The following NAALADL2 variants were observed in gnomAD, a reference collection of about 807,000 sequenced individuals.
The protein encoded by NAALADL2 is inactive N-acetylated-alpha-linked acidic dipeptidase-like protein 2.
Under a neutral mutation model 87.2 loss-of-function variants are expected in NAALADL2, and 76 were observed. That is an observed-to-expected ratio of 0.87 (90% CI 0.72 to 1.05). NAALADL2 has a LOEUF of 1.05. Among genes scored for constraint, NAALADL2 ranks in the 50% least tolerant of loss-of-function variants. The pLI is 0.00. For synonymous variants in NAALADL2, 354 were observed against 331.0 expected (o/e 1.07, Z -0.75); for missense variants, 1,089 against 945.8 (o/e 1.15, Z -1.99).
intron 5 of NAALADL2, among the ~76,000 whole-genome samples, chr3:175,443,179 T>C (rs1720101938): frequency 6.6e-6 from 1 of 152,170 alleles, no homozygotes. Context: ...CAAATTTCCA[T>C]TAAGCTGAAG....
At position 175,306,318 on chromosome 3, in the gene NAALADL2, A is replaced by G. The variant is rs540231412; in HGVS notation, c.940-17857A>G. 2.0e-5 allele frequency among the ~76,000 whole-genome samples: 3 copies of G among 152,292 alleles called. No homozygotes were observed. In the South Asian group the frequency reaches 6.2e-4, roughly 32 times the overall value. On this transcript the variant is annotated intron_variant, in intron 4 of 13. Transcript: ENST00000454872. ...AGTATTATTTTATATTATCTCATTTATCTTATTTATTTTACCTATATAAGG... is the reference window on the plus strand; with the variant it reads ...AGTATTATTTTATATTATCTCATTTGTCTTATTTATTTTACCTATATAAGG...
At chr3:174,805,261 A>G (rs1233270991) in intron 3 of NAALADL2, among the ~76,000 whole-genome samples, 1 of 152,154 alleles carries the variant, frequency 6.6e-6, no homozygotes, top group East Asian at 1.9e-4. Context: ...AAAGAATGAC[A>G]TGTATTTAGT....
In NAALADL2 at chr3:175,718,863, CAAACAAA is replaced by C. The variant is rs964620356; in HGVS notation, c.1897-18430_1897-18424del. 1.4e-3 allele frequency among the ~76,000 whole-genome samples: 215 copies of C among 151,946 alleles called. 1 individual carries two copies. The highest frequency in any genetic ancestry group is 4.7e-3 in the African/African-American group (195 of 41,458). ...CTCAAAAAGACAAAAAACAAACAAA[CAAACAAA>C]AAACAAAAAACACCACCACCACCAA... On this transcript the variant is annotated intron_variant, in intron 11 of 13. Transcript: ENST00000454872.
At chr3:175,468,854 G>A (rs1185728917) in intron 8 of NAALADL2, among the ~76,000 whole-genome samples, 1 of 152,008 alleles carries the variant, frequency 6.6e-6, no homozygotes, top group Admixed American at 6.6e-5. Context: ...GTGAGCGATA[G>A]TTTTTGTCAA....
At chr3:175,582,210 A>G (rs2149576908) in intron 10 of NAALADL2, among the ~76,000 whole-genome samples, 1 of 152,094 alleles carries the variant, frequency 6.6e-6, no homozygotes, top group African/African-American at 2.4e-5. Flanking sequence ...GAAATATGAG[A>G]CAAATACTAA....
chr3:174,696,138 G>C (rs1728988304), intron 2 of NAALADL2, among the ~76,000 whole-genome samples: 1 of 152,030 alleles, frequency 6.6e-6, no homozygotes, highest in Non-Finnish European at 1.5e-5. Flanking sequence ...ATTCTGGATA[G>C]TGAGGTGTAA....
At chr3:174,890,933 T>A (rs1485844356) in intron 1 of NAALADL2, among the ~76,000 whole-genome samples, 1 of 152,152 alleles carries the variant, frequency 6.6e-6, no homozygotes, top group East Asian at 1.9e-4. Context: ...TACTGTCTCT[T>A]GGAAATAATA....
intron 1 of NAALADL2, among the ~76,000 whole-genome samples, chr3:174,886,641 CTCTGTTTTAATGAT>C (rs1730188141): frequency 6.6e-6 from 1 of 152,186 alleles, no homozygotes; most frequent in African/African-American, 2.4e-5. Flanking sequence ...TGGTGCCAGA[CTCTGTTTTAATGAT>C]TTGAAATACA....
At position 175,809,602 on chromosome 3, in the gene NAALADL2, G is replaced by A. The variant is rs1481220421; in HGVS notation, c.*6399G>A. 3 of 151,236 alleles carry A rather than the reference G, an allele frequency of 2.0e-5. No homozygotes were observed. The highest frequency in any genetic ancestry group is 6.6e-5 in the Admixed American group (1 of 15,114). 9.4% of individuals were successfully genotyped at this position (151,236 alleles called of 1,614,324 possible). A position where few individuals can be genotyped will look rare whatever the true frequency, so the allele number is the denominator to read the frequency against. On this transcript the variant is annotated 3_prime_UTR_variant, in exon 14 of 14. Coordinates refer to ENST00000454872, the MANE Select transcript of NAALADL2 (RefSeq NM_207015.3). The stretch of plus-strand genomic sequence containing the variant: ...TTGTAGTCCAGCTACTAGGGAGGCT[G>A]AGGCGGAAGAATCATTTGGGCCCAA...
At chr3:174,515,154 A>G (rs1372530200) in intron 1 of NAALADL2, among the ~76,000 whole-genome samples, 4 of 152,138 alleles carry the variant, frequency 2.6e-5, no homozygotes, top group African/African-American at 9.7e-5. Context: ...ATTTCAGAAA[A>G]GGCATTCAGG....
chr3:175,718,350 A>C, intron 11 of NAALADL2: 3 of 1,602,782 alleles, frequency 1.9e-6, no homozygotes, highest in Non-Finnish European at 2.6e-6. Context: ...TTTTGCTAGC[A>C]CTGATATGCT....
intron 3 of NAALADL2, among the ~76,000 whole-genome samples, chr3:174,786,319 C>T (rs1361644609): frequency 6.6e-6 from 1 of 151,616 alleles, no homozygotes; most frequent in Non-Finnish European, 1.5e-5. Flanking sequence ...GGTGTGGTGG[C>T]ATGCGCTTGT....
intron 10 of NAALADL2, among the ~76,000 whole-genome samples, chr3:175,592,110 C>T (rs995531918): frequency 6.6e-5 from 10 of 151,994 alleles, no homozygotes; most frequent in African/African-American, 1.4e-4. Flanking sequence ...TAAAATCATC[C>T]GTTGATTGGC....
intron 2 of NAALADL2, among the ~76,000 whole-genome samples, chr3:175,110,207 A>G (rs1440919827): frequency 6.6e-6 from 1 of 151,792 alleles, no homozygotes; most frequent in Admixed American, 6.6e-5. Flanking sequence ...CAAGTTAAGG[A>G]TGATACGTTA....
chr3:175,035,286 C>A (rs1175510266), intron 1 of NAALADL2, among the ~76,000 whole-genome samples: 1 of 152,026 alleles, frequency 6.6e-6, no homozygotes, highest in Non-Finnish European at 1.5e-5. Context: ...AAAGTAGCTT[C>A]CAATGAGGAT....
chr3:175,767,043 A>G (rs1748791590), intron 13 of NAALADL2, among the ~76,000 whole-genome samples: 1 of 152,160 alleles, frequency 6.6e-6, no homozygotes, highest in Non-Finnish European at 1.5e-5. Flanking sequence ...TTTTGTTCAA[A>G]TGAAAGCTTA....
intron 1 of NAALADL2, among the ~76,000 whole-genome samples, chr3:174,941,742 A>G (rs1738632841): frequency 6.8e-6 from 1 of 147,464 alleles, no homozygotes; most frequent in Non-Finnish European, 1.5e-5. Context: ...ACTCTTTACT[A>G]TTATATAATG....
intron 9 of NAALADL2, among the ~76,000 whole-genome samples, chr3:175,555,327 T>G (rs996425926): frequency 6.6e-6 from 1 of 152,208 alleles, no homozygotes; most frequent in African/African-American, 2.4e-5. Flanking sequence ...TGCTAAAAAC[T>G]TCTGTCAGTC....
chr3:174,591,680 C>T (rs1717374029), intron 2 of NAALADL2, among the ~76,000 whole-genome samples: 1 of 152,160 alleles, frequency 6.6e-6, no homozygotes, highest in Non-Finnish European at 1.5e-5. Context: ...TAATAAAATA[C>T]ATGTTGTGCC....
Sources: gnomAD v4.1 joint callset for allele counts (sites outside exome capture counted in the v4.1 genomes callset) on GRCh38, gnomAD v4.1.1 for gene constraint, MANE v1.5 for transcripts, NCBI Gene and HGNC (gene_info 2026-07-23, HGNC 2026-07-21) for gene names.